Variants in BMPR2 observed in about 807,000 individuals in gnomAD.
BMPR2 encodes the protein bone morphogenetic protein receptor type 2.
Under a neutral mutation model 100.8 loss-of-function variants are expected in BMPR2, and 29 were observed. The observed-to-expected ratio is 0.29, with a 90% CI of 0.21 to 0.39. BMPR2 has a LOEUF of 0.39. BMPR2 is among the 10% of genes least tolerant of loss of function. The pLI, the probability that BMPR2 is intolerant of heterozygous loss-of-function variation, is 1.00. For missense variants in BMPR2, 1,011 were observed against 1,274.5 expected (o/e 0.79, Z 3.15); for synonymous variants, 382 against 442.3 (o/e 0.86, Z 1.71).
intron 1 of BMPR2, among the ~76,000 whole-genome samples, chr2:202,395,304 G>C (rs1690637792): frequency 6.6e-6 from 1 of 152,170 alleles, no homozygotes; most frequent in Admixed American, 6.5e-5. Flanking sequence ...AACTAAGCAA[G>C]GTAGGACAAG....
chr2:202,469,779 G>A (rs927073445), intron 3 of BMPR2, among the ~76,000 whole-genome samples: 2 of 151,942 alleles, frequency 1.3e-5, no homozygotes, highest in African/African-American at 4.8e-5. Context: ...CACCGCGCCC[G>A]GCCCCAATTG....
Position 202,561,985 on chromosome 2 carries a change from A to G in BMPR2, c.*2039A>G, listed in dbSNP as rs1252943963. 6.6e-6 allele frequency: 1 copy of G among 151,816 alleles called. No individual in the cohort carries two copies. The highest frequency in any genetic ancestry group is 1.5e-5 in the Non-Finnish European group (1 of 67,924). 9.4% of individuals were successfully genotyped at this position (151,816 alleles called of 1,614,324 possible). The stretch of plus-strand genomic sequence containing the variant: ...TCTATTTTCAGTCTTCTGGCACGTA[A>G]TTTTTTTCACAGTTATTATTCTTCT... On this transcript the variant is annotated 3_prime_UTR_variant, in exon 13 of 13. Transcript: ENST00000374580.
intron 3 of BMPR2, among the ~76,000 whole-genome samples, chr2:202,473,987 C>T (rs1208420029): frequency 6.7e-6 from 1 of 150,268 alleles, no homozygotes; most frequent in African/African-American, 2.5e-5. Flanking sequence ...CCCCTGTAGT[C>T]CCAGCTGTTC....
At chr2:202,530,153 T>A (rs1687994741) in intron 7 of BMPR2, among the ~76,000 whole-genome samples, 2 of 152,160 alleles carry the variant, frequency 1.3e-5, no homozygotes, top group African/African-American at 4.8e-5. Context: ...ATGATAAGGA[T>A]AAAAAAGTAA....
chr2:202,519,171 C>T (rs1402829501), intron 6 of BMPR2, 119 bp downstream of exon 6: 4 of 1,043,696 alleles, frequency 3.8e-6, no homozygotes, highest in African/African-American at 1.6e-5. Context: ...GGACCAGCCT[C>T]GCCAACATGG....
chr2:202,386,843 G>A (rs1314286651), intron 1 of BMPR2, among the ~76,000 whole-genome samples: 2 of 152,060 alleles, frequency 1.3e-5, no homozygotes, highest in African/African-American at 4.8e-5. Flanking sequence ...ACCACGCCCG[G>A]CTAAATTTTT....
chr2:202,382,184 C>T (rs1559019971), intron 1 of BMPR2, among the ~76,000 whole-genome samples: 1 of 151,624 alleles, frequency 6.6e-6, no homozygotes, highest in African/African-American at 2.4e-5. Context: ...CTCAGCCTCC[C>T]GAGTAGCTGG....
chr2:202,453,341 C>G (rs1692027229), intron 1 of BMPR2, among the ~76,000 whole-genome samples: 1 of 151,728 alleles, frequency 6.6e-6, no homozygotes, highest in African/African-American at 2.4e-5. Context: ...ATCAGTATAT[C>G]AAAGAGATGT....
chr2:202,476,310 C>T (rs1246768483), intron 3 of BMPR2, among the ~76,000 whole-genome samples: 1 of 152,048 alleles, frequency 6.6e-6, no homozygotes, highest in African/African-American at 2.4e-5. Flanking sequence ...TTATAATGTG[C>T]TCTCTGATTA....
chr2:202,405,464 G>A (rs939994100), intron 1 of BMPR2, among the ~76,000 whole-genome samples: 2 of 152,018 alleles, frequency 1.3e-5, no homozygotes, highest in South Asian at 2.1e-4. Flanking sequence ...TGAGGCGGGC[G>A]GATCACGAGG....
chr2:202,388,016 C>T (rs1167159611), intron 1 of BMPR2, among the ~76,000 whole-genome samples: 1 of 152,046 alleles, frequency 6.6e-6, no homozygotes, highest in African/African-American at 2.4e-5. Context: ...AATGTGTTAG[C>T]TTGATGAAAC....
At chr2:202,420,822 C>T (rs1691248062) in intron 1 of BMPR2, among the ~76,000 whole-genome samples, 1 of 151,534 alleles carries the variant, frequency 6.6e-6, no homozygotes, top group Non-Finnish European at 1.5e-5. Flanking sequence ...GGTGGAATTA[C>T]AGGCATGAGC....
chr2:202,536,870 CAAAAAAAA>C (rs34999694), intron 9 of BMPR2, among the ~76,000 whole-genome samples: 2 of 84,286 alleles, frequency 2.4e-5, no homozygotes, highest in African/African-American at 4.3e-5. Flanking sequence ...AACTCGGTCT[CAAAAAAAA>C]AAAAAAAAAA....
chr2:202,477,788 AAAAT>A (rs539218422), intron 3 of BMPR2, among the ~76,000 whole-genome samples: 5 of 152,202 alleles, frequency 3.3e-5, no homozygotes, highest in African/African-American at 9.6e-5. Context: ...CTCCATCTCC[AAAAT>A]AAATAAATAA....
rs1690173171 is a variant in BMPR2, at chr2:202,377,432, A to G, written c.-43A>G. On this transcript the variant is annotated 5_prime_UTR_variant, in exon 1 of 13. Coordinates refer to ENST00000374580, the MANE Select transcript of BMPR2 (RefSeq NM_001204.7). ...CTGTTTCTCCGCCGGTCTACTTCCC[A>G]TATTTCTTTTCTTTGCCCTCCTGAT... 3.1e-6 allele frequency: 5 copies of G among 1,597,988 alleles called. No individual in the cohort carries two copies. Among genetic ancestry groups the G allele is most frequent in the Non-Finnish European group, 4.3e-6 (5 of 1,165,276 alleles).
chr2:202,413,635 G>T (rs1307640459), intron 1 of BMPR2, among the ~76,000 whole-genome samples: 2 of 151,186 alleles, frequency 1.3e-5, no homozygotes, highest in East Asian at 3.9e-4. Flanking sequence ...ATTACATATT[G>T]TTCATTATAT....
At chr2:202,508,461 T>A (rs1687566966) in intron 3 of BMPR2, among the ~76,000 whole-genome samples, 1 of 152,198 alleles carries the variant, frequency 6.6e-6, no homozygotes, top group South Asian at 2.1e-4. Flanking sequence ...ACAAATATGA[T>A]ATATCCCACT....
chr2:202,520,419 G>T (rs762238582), intron 7 of BMPR2: 6 of 572,188 alleles, frequency 1.0e-5, no homozygotes, highest in Non-Finnish European at 1.9e-5. Context: ...CCTGGTGCTT[G>T]ATAGCTGAGT....
chr2:202,532,976 A>T lies in BMPR2; in HGVS notation c.1276+244A>T, dbSNP rs1259253696. On this transcript the variant is annotated intron_variant, in intron 9 of 12. Coordinates refer to ENST00000374580, the MANE Select transcript of BMPR2 (RefSeq NM_001204.7). This position sits in a 1 kb window ranked among gnomAD's most constrained non-coding sequence, Gnocchi z 4.1. ...TTTAATTAATTGCCAGTAATAGCTT[A>T]TCTAACTGTATTTTGTTTGGTCTCT... Among the ~76,000 whole-genome samples the T allele has an allele frequency of 6.6e-6, 1 of 152,028 alleles. No individual in the cohort carries two copies. Among genetic ancestry groups the T allele is most frequent in the Admixed American group, 6.6e-5 (1 of 15,238 alleles).
Sources: gnomAD v4.1 joint callset for allele counts (sites outside exome capture counted in the v4.1 genomes callset) on GRCh38, gnomAD v4.1.1 for gene constraint, Gnocchi (gnomAD v3.1) non-coding constraint, MANE v1.5 for transcripts, NCBI Gene and HGNC (gene_info 2026-07-23, HGNC 2026-07-21) for gene names.